The following TENM3 variants were observed in gnomAD, a reference collection of about 807,000 sequenced individuals.
TENM3 encodes teneurin-3.
A neutral mutation model predicts 255.1 loss-of-function variants in TENM3; 63 were observed. The observed-to-expected ratio is 0.25, with a 90% CI of 0.20 to 0.30. The LOEUF (loss-of-function observed/expected upper bound fraction) is 0.30, where lower values mean the gene tolerates loss of function less well. Among genes scored for constraint, TENM3 ranks in the 10% least tolerant of loss-of-function variants. TENM3 has a pLI of 1.00. For synonymous variants in TENM3, 1,306 were observed against 1,322.3 expected (o/e 0.99, Z 0.27); for missense variants, 2,929 against 3,461.1 (o/e 0.85, Z 3.86).
chr4:181,599,612 GCT>G, the TENM3 span, among the ~76,000 whole-genome samples: 1 of 152,094 alleles, frequency 6.6e-6, no homozygotes, highest in African/African-American at 2.4e-5. Flanking sequence ...AATTAATATA[GCT>G]CTCTAGTATT....
chr4:181,520,565 G>A, the TENM3 span, among the ~76,000 whole-genome samples: 2 of 151,988 alleles, frequency 1.3e-5, no homozygotes, highest in African/African-American at 2.4e-5. Flanking sequence ...AAAACCTCTA[G>A]TTTTTGTAAG....
At chr4:182,743,837 TA>T (rs1371255208) in intron 19 of TENM3, among the ~76,000 whole-genome samples, 1 of 152,206 alleles carries the variant, frequency 6.6e-6, no homozygotes, top group African/African-American at 2.4e-5. Flanking sequence ...CTACAACTTT[TA>T]ACTAGAATAT....
intron 3 of TENM3, among the ~76,000 whole-genome samples, chr4:182,557,960 T>G (rs1015137978): frequency 2.0e-5 from 3 of 152,226 alleles, no homozygotes; most frequent in Admixed American, 6.5e-5. Context: ...ACTTCCCGCT[T>G]GATCTGATTG....
chr4:182,726,922 C>A (rs1760242326), intron 13 of TENM3, among the ~76,000 whole-genome samples: 1 of 152,140 alleles, frequency 6.6e-6, no homozygotes, highest in African/African-American at 2.4e-5. Flanking sequence ...TAACTTAAAT[C>A]AATGGCTAGT....
At chr4:182,455,807 C>T (rs1318627754) in intron 3 of TENM3, among the ~76,000 whole-genome samples, 1 of 152,132 alleles carries the variant, frequency 6.6e-6, no homozygotes, top group Non-Finnish European at 1.5e-5. Flanking sequence ...GGTGATCCAC[C>T]CGCCTCAGCC....
At chr4:181,501,839 T>C in the TENM3 span, among the ~76,000 whole-genome samples, 1 of 152,196 alleles carries the variant, frequency 6.6e-6, no homozygotes, top group Non-Finnish European at 1.5e-5. Context: ...AAGTCGGTGC[T>C]ATAGAGTCTG....
the TENM3 span, among the ~76,000 whole-genome samples, chr4:181,511,527 G>C: frequency 2.0e-4 from 31 of 152,118 alleles, no homozygotes; most frequent in Non-Finnish European, 4.1e-4. Flanking sequence ...GGGTTCACAG[G>C]CTGCCCTCTA....
intron 3 of TENM3, among the ~76,000 whole-genome samples, chr4:182,356,652 G>T (rs765193821): frequency 1.3e-5 from 2 of 151,890 alleles, no homozygotes; most frequent in Non-Finnish European, 2.9e-5. Context: ...GGTCCTTGGA[G>T]TATGAATGTG....
intron 3 of TENM3, among the ~76,000 whole-genome samples, chr4:182,371,386 T>C (rs1766801184): frequency 6.6e-6 from 1 of 152,190 alleles, no homozygotes; most frequent in Non-Finnish European, 1.5e-5. Context: ...ATCAACGCTA[T>C]GTTAAAAACC....
At chr4:181,620,694 GAAAT>G in the TENM3 span, among the ~76,000 whole-genome samples, 1,276 of 150,102 alleles carry the variant, frequency 8.5e-3, 21 homozygotes, top group African/African-American at 0.03. Flanking sequence ...GAGGAGGAAA[GAAAT>G]AGTTAATAGC....
intron 3 of TENM3, among the ~76,000 whole-genome samples, chr4:182,522,742 C>G (rs1377600225): frequency 6.6e-6 from 1 of 152,212 alleles, no homozygotes; most frequent in East Asian, 1.9e-4. Context: ...CAAATCTTGG[C>G]TCTCGTGAAT....
At chr4:182,490,531 C>A (rs7693878) in intron 3 of TENM3, among the ~76,000 whole-genome samples, 151,489 of 152,282 alleles carry the variant, frequency 0.99, 75,353 homozygotes, top group Middle Eastern at 1. Flanking sequence ...TATTGTAGTG[C>A]GTGCATACAG....
At chr4:181,775,892 A>C in the TENM3 span, among the ~76,000 whole-genome samples, 1 of 152,074 alleles carries the variant, frequency 6.6e-6, no homozygotes, top group Non-Finnish European at 1.5e-5. Flanking sequence ...GATATCAATC[A>C]CTCGTGTATT....
chr4:182,367,082 C>T (rs764747630), intron 3 of TENM3, among the ~76,000 whole-genome samples: 27 of 152,038 alleles, frequency 1.8e-4, no homozygotes, highest in Non-Finnish European at 3.5e-4. Flanking sequence ...CTAAACTGCA[C>T]TTTGAAAAGA....
chr4:182,784,354 G>A (rs1765440335), intron 24 of TENM3, among the ~76,000 whole-genome samples: 1 of 152,026 alleles, frequency 6.6e-6, no homozygotes, highest in Admixed American at 6.6e-5. Context: ...GTGCCTCCCA[G>A]TTAGGCTGCT....
chr4:181,951,758 A>G, the TENM3 span, among the ~76,000 whole-genome samples: 2 of 152,246 alleles, frequency 1.3e-5, no homozygotes, highest in Non-Finnish European at 2.9e-5. Flanking sequence ...TGCTTTTCTT[A>G]AGTTACTTAC....
chr4:181,725,957 T>G, the TENM3 span, among the ~76,000 whole-genome samples: 3 of 152,154 alleles, frequency 2.0e-5, no homozygotes, highest in African/African-American at 7.2e-5. Flanking sequence ...CAAATATCTT[T>G]GCCTGCCGTT....
At chr4:181,820,321 G>T in the TENM3 span, 3 of 152,064 alleles carry the variant, frequency 2.0e-5, no homozygotes, top group Non-Finnish European at 2.9e-5. Context: ...AGATGAAAAA[G>T]AAATTTTATT....
chr4:182,625,297 G>A (rs1291874384), intron 4 of TENM3, among the ~76,000 whole-genome samples: 2 of 152,198 alleles, frequency 1.3e-5, no homozygotes, highest in African/African-American at 4.8e-5. Flanking sequence ...ACAGCAGGAG[G>A]TGAGTGGCAG....
Sources: gnomAD v4.1 joint callset for allele counts (sites outside exome capture counted in the v4.1 genomes callset) on GRCh38, gnomAD v4.1.1 for gene constraint, MANE v1.5 for transcripts, NCBI Gene and HGNC (gene_info 2026-07-23, HGNC 2026-07-21) for gene names.